SLC3A1: variants seen among roughly 807,000 people sequenced by gnomAD.
SLC3A1 encodes amino acid transporter heavy chain SLC3A1.
SLC3A1 carries 78 observed loss-of-function variants against 60.3 expected under a neutral mutation model. That is an observed-to-expected ratio of 1.29 (90% CI 1.08 to 1.56). SLC3A1 has a LOEUF of 1.56. Ranked by LOEUF, SLC3A1 falls within the 40% of genes most tolerant of loss-of-function variation. The pLI is 0.00. For synonymous variants in SLC3A1, 392 were observed against 307.9 expected, an observed-to-expected ratio of 1.27 and a Z score of -2.86; for missense variants, 1,172 against 858.9, an observed-to-expected ratio of 1.36 and a Z score of -4.56.
intron 7 of SLC3A1, among the ~76,000 whole-genome samples, chr2:44,307,674 T>C (rs1245311637): frequency 6.6e-6 from 1 of 152,148 alleles, no homozygotes; most frequent in African/African-American, 2.4e-5. Flanking sequence ...GTTCAGATTC[T>C]TTGCCTATAA....
Position 44,302,367 on chromosome 2 carries a change from A to G in SLC3A1, c.1136+1240A>G, listed in dbSNP as rs143203955. 3.9e-5 allele frequency among the ~76,000 whole-genome samples: 6 copies of G among 152,350 alleles called. No homozygotes were observed. In the East Asian group the frequency reaches 1.2e-3, roughly 29 times the overall value. ...TGGATCATAGTAAACACTCAATAAA[A>G]TTACCCATCATTAAGTTTACATAGA... On this transcript the variant is annotated intron_variant, in intron 6 of 9. Transcript: ENST00000260649.
At chr2:44,277,166 G>A (rs1443078565) in intron 1 of SLC3A1, among the ~76,000 whole-genome samples, 1 of 139,268 alleles carries the variant, frequency 7.2e-6, no homozygotes, top group African/African-American at 2.7e-5. Flanking sequence ...GGAGTGCAAT[G>A]GCATAATCTC....
At chr2:44,321,661 T>A (rs774267978), downstream of SLC3A1, 15 of 1,525,362 alleles carry the variant, frequency 9.8e-6, no homozygotes, top group South Asian at 1.9e-4. Flanking sequence ...GAGAGAGACA[T>A]TTCTCTTGAT....
At position 44,321,488 on chromosome 2, in the gene SLC3A1, A is replaced by C; in HGVS notation, c.*849A>C. ...AAAAAATTAAATAGAAGGCCTTTGT[A>C]GTAAAATGCCACTGTTTAAGCTTCT... On this transcript the variant is annotated 3_prime_UTR_variant, in exon 10 of 10. Transcript: ENST00000260649. 6.3e-7 allele frequency: 1 copy of C among 1,591,006 alleles called. No homozygotes were observed. Among genetic ancestry groups the C allele is most frequent in the Non-Finnish European group, 8.6e-7 (1 of 1,164,288 alleles).
At chr2:44,305,852 G>C (rs1451926429) in intron 7 of SLC3A1, among the ~76,000 whole-genome samples, 7 of 152,118 alleles carry the variant, frequency 4.6e-5, no homozygotes, top group African/African-American at 1.4e-4. Context: ...TTAGGTCTCA[G>C]GTAGGTGTCA....
At chr2:44,278,059 G>A (rs1218126384) in intron 1 of SLC3A1, among the ~76,000 whole-genome samples, 1 of 152,058 alleles carries the variant, frequency 6.6e-6, no homozygotes, top group Non-Finnish European at 1.5e-5. Flanking sequence ...TTGCTGTGCT[G>A]GCTTAGATCA....
chr2:44,298,221 T>G (rs1034223718), intron 4 of SLC3A1, among the ~76,000 whole-genome samples: 2 of 152,186 alleles, frequency 1.3e-5, no homozygotes, highest in African/African-American at 2.4e-5. Flanking sequence ...CAGCCTTTTC[T>G]GATTAAAAAT....
intron 4 of SLC3A1, among the ~76,000 whole-genome samples, chr2:44,293,344 C>A (rs556408186): frequency 6.6e-6 from 1 of 151,906 alleles, no homozygotes; most frequent in Non-Finnish European, 1.5e-5. Context: ...TGGTGAAACC[C>A]CATCTCTCCT....
chr2:44,312,489 A>C (rs1672322718), intron 7 of SLC3A1, 97 bp from the exon 8 acceptor site: 1 of 1,317,840 alleles, frequency 7.6e-7, no homozygotes, highest in East Asian at 2.3e-5. Context: ...TACCACATCT[A>C]CTTTGTTTTG....
chr2:44,312,921 G>T, intron 8 of SLC3A1, 168 bp downstream of exon 8: 1 of 607,768 alleles, frequency 1.6e-6, no homozygotes, highest in Non-Finnish European at 2.9e-6. Flanking sequence ...TTTCTTGGTG[G>T]TCTGAGAGCT....
chr2:44,276,108 T>C, intron 1 of SLC3A1, 143 bp downstream of exon 1: 2 of 772,458 alleles, frequency 2.6e-6, no homozygotes, highest in Non-Finnish European at 4.5e-6. Flanking sequence ...TCCTTGTTTA[T>C]GATATTCTTA....
chr2:44,302,167 C>T (rs1672028279), intron 6 of SLC3A1, among the ~76,000 whole-genome samples: 1 of 152,168 alleles, frequency 6.6e-6, no homozygotes, highest in African/African-American at 2.4e-5. Flanking sequence ...GCTAAAGTAT[C>T]AGGAACACAG....
At chr2:44,278,463 A>C (rs1302730171) in intron 1 of SLC3A1, among the ~76,000 whole-genome samples, 1 of 151,396 alleles carries the variant, frequency 6.6e-6, no homozygotes, top group East Asian at 1.9e-4. Context: ...TAAATAAATA[A>C]ATAAATAAAT....
rs1671968385 is a variant in SLC3A1 at position 44,300,235 on chromosome 2, T to C, written c.1011+145T>C. The C allele has an allele frequency of 5.8e-6, 5 of 861,404 alleles. No individual in the cohort carries two copies. The South Asian group carries it at 7.7e-5, about 13-fold the overall frequency. The allele number at this position is 861,404 out of a possible 1,614,324, so 53.4% of individuals were successfully genotyped here. A position where few individuals can be genotyped will look rare whatever the true frequency, so the allele number is the denominator to read the frequency against. On this transcript the variant is annotated intron_variant, in intron 5 of 9. Coordinates refer to ENST00000260649, the MANE Select transcript of SLC3A1 (RefSeq NM_000341.4). ...CCCTGATTTATTTCTTTAGGAAATGTGCAAGAGTTTGAAATGCATATGCAC... is the reference window on the plus strand; with the variant it reads ...CCCTGATTTATTTCTTTAGGAAATGCGCAAGAGTTTGAAATGCATATGCAC...
chr2:44,295,118 G>A (rs978272330), intron 4 of SLC3A1, among the ~76,000 whole-genome samples: 7 of 152,058 alleles, frequency 4.6e-5, no homozygotes, highest in Non-Finnish European at 7.4e-5. Flanking sequence ...TTAGGTAAAC[G>A]GGCCCCCAAA....
chr2:44,291,719 G>A (rs538621406), intron 4 of SLC3A1, among the ~76,000 whole-genome samples: 1 of 152,304 alleles, frequency 6.6e-6, no homozygotes, highest in South Asian at 2.1e-4. Flanking sequence ...GAGGGTTTGT[G>A]TGGAGGCGGC....
At chr2:44,292,533 G>A (rs1289885337) in intron 4 of SLC3A1, among the ~76,000 whole-genome samples, 1 of 152,074 alleles carries the variant, frequency 6.6e-6, no homozygotes, top group Non-Finnish European at 1.5e-5. Context: ...TGGGGTGGGA[G>A]GTGGACAATT....
chr2:44,307,847 G>A (rs1334426502), intron 7 of SLC3A1, among the ~76,000 whole-genome samples: 1 of 152,120 alleles, frequency 6.6e-6, no homozygotes, highest in African/African-American at 2.4e-5. Flanking sequence ...AAGTCCAGTT[G>A]TTTTGTTGTT....
At chr2:44,318,337 CTGCCT>C in intron 9 of SLC3A1, 1 of 196,522 alleles carries the variant, frequency 5.1e-6, no homozygotes, top group Non-Finnish European at 1.1e-5. Flanking sequence ...GGTGATCTGT[CTGCCT>C]TGCCTCCCAA....
Sources: allele counts gnomAD v4.1 joint callset (sites outside exome capture counted in the v4.1 genomes callset), GRCh38; gene constraint gnomAD v4.1.1; transcripts MANE v1.5; gene names NCBI Gene and HGNC (gene_info 2026-07-23, HGNC 2026-07-21).